PTPRD: variants seen among roughly 807,000 people sequenced by gnomAD.
PTPRD encodes the protein receptor-type tyrosine-protein phosphatase delta.
A neutral mutation model predicts 214.5 loss-of-function variants in PTPRD; 34 were observed. The ratio of observed to expected loss-of-function variants is 0.16; its 90% CI spans 0.12 to 0.21. The LOEUF (loss-of-function observed/expected upper bound fraction) is 0.21. Ranked by LOEUF, PTPRD falls within the 10% of genes least tolerant of loss-of-function variation. The pLI is 1.00. For synonymous variants in PTPRD, 1,128 were observed against 845.7 expected (o/e 1.33, Z -5.79); for missense variants, 2,545 against 2,398.7 (o/e 1.06, Z -1.27).
At chr9:8,864,518 T>C (rs921815495) in intron 11 of PTPRD, among the ~76,000 whole-genome samples, 9 of 152,244 alleles carry the variant, frequency 5.9e-5, no homozygotes, top group African/African-American at 2.2e-4. Flanking sequence ...ACTTTAGCTC[T>C]TACATTTTTA....
chr9:9,676,665 T>C (rs1350553429), intron 7 of PTPRD, among the ~76,000 whole-genome samples: 2 of 152,160 alleles, frequency 1.3e-5, no homozygotes, highest in South Asian at 2.1e-4. Flanking sequence ...CTGGATCAAA[T>C]GGTATTTCTA....
At chr9:8,581,188 T>TA (rs1420499503) in intron 14 of PTPRD, among the ~76,000 whole-genome samples, 1 of 151,484 alleles carries the variant, frequency 6.6e-6, no homozygotes, top group Non-Finnish European at 1.5e-5. Context: ...GCCTTAGGAA[T>TA]ATATTATAAA....
At chr9:10,257,364 T>C (rs914628757) in intron 3 of PTPRD, among the ~76,000 whole-genome samples, 8 of 152,140 alleles carry the variant, frequency 5.3e-5, no homozygotes, top group Non-Finnish European at 1.2e-4. Context: ...GAGGTACTGG[T>C]AGAGAAAGGC....
intron 39 of PTPRD, among the ~76,000 whole-genome samples, chr9:8,375,670 C>A (rs1167883629): frequency 6.6e-6 from 1 of 151,992 alleles, no homozygotes; most frequent in South Asian, 2.1e-4. Context: ...TAGCCATGTG[C>A]CCACTTAATT....
chr9:9,453,108 G>C (rs2092485584), intron 8 of PTPRD, among the ~76,000 whole-genome samples: 1 of 150,626 alleles, frequency 6.6e-6, no homozygotes, highest in East Asian at 2.0e-4. Context: ...AAATGGAATG[G>C]AAATTAATAT....
intron 7 of PTPRD, among the ~76,000 whole-genome samples, chr9:9,621,834 C>A (rs934960861): frequency 6.6e-6 from 1 of 152,144 alleles, no homozygotes; most frequent in Admixed American, 6.5e-5. Context: ...AGTGTGCTGC[C>A]TGTGGTGTTC....
At chr9:10,116,711 A>C (rs1331833577) in intron 3 of PTPRD, among the ~76,000 whole-genome samples, 1 of 152,012 alleles carries the variant, frequency 6.6e-6, no homozygotes, top group African/African-American at 2.4e-5. Flanking sequence ...ATGTCACTGC[A>C]CTCCTGAAAA....
At chr9:10,214,994 G>A (rs967706464) in intron 3 of PTPRD, among the ~76,000 whole-genome samples, 12 of 151,860 alleles carry the variant, frequency 7.9e-5, no homozygotes, top group Admixed American at 3.3e-4. Context: ...GAGATATTTC[G>A]GACAGGTGGA....
chr9:8,544,261 G>A (rs902447334), intron 14 of PTPRD, among the ~76,000 whole-genome samples: 11 of 144,740 alleles, frequency 7.6e-5, no homozygotes, highest in Non-Finnish European at 1.2e-4. Context: ...CCACCTCCCA[G>A]GTTCAAGCAA....
At chr9:9,121,173 C>G (rs769452476) in intron 10 of PTPRD, among the ~76,000 whole-genome samples, 1 of 152,124 alleles carries the variant, frequency 6.6e-6, no homozygotes, top group Non-Finnish European at 1.5e-5. Context: ...TAGTCACCAA[C>G]TATTTATGGA....
At chr9:10,115,421 T>A (rs2154240802) in intron 3 of PTPRD, among the ~76,000 whole-genome samples, 1 of 152,206 alleles carries the variant, frequency 6.6e-6, no homozygotes, top group Admixed American at 6.5e-5. Flanking sequence ...CTTTAGGTAA[T>A]TAGGTGACCA....
chr9:10,172,998 T>C (rs576321042), intron 3 of PTPRD, among the ~76,000 whole-genome samples: 2 of 152,358 alleles, frequency 1.3e-5, no homozygotes, highest in African/African-American at 4.8e-5. Flanking sequence ...TGGAGTCTCC[T>C]TTTTCCTTTG....
intron 9 of PTPRD, among the ~76,000 whole-genome samples, chr9:9,246,183 T>C (rs1285423627): frequency 6.6e-6 from 1 of 152,054 alleles, no homozygotes; most frequent in Non-Finnish European, 1.5e-5. Flanking sequence ...TAGCTCATTG[T>C]TTTTGCAGGT....
chr9:9,547,917 T>C (rs750913488), intron 8 of PTPRD, among the ~76,000 whole-genome samples: 2 of 151,758 alleles, frequency 1.3e-5, no homozygotes, highest in East Asian at 1.9e-4. Flanking sequence ...AAAAGGCTTA[T>C]TATATCAAAG....
chr9:9,484,958 G>A (rs2095567637), intron 8 of PTPRD, among the ~76,000 whole-genome samples: 1 of 152,122 alleles, frequency 6.6e-6, no homozygotes, highest in Non-Finnish European at 1.5e-5. Context: ...ATCAAAGTGG[G>A]TTTCTGGGAT....
chr9:10,391,931 C>A (rs371211396), intron 2 of PTPRD, among the ~76,000 whole-genome samples: 13 of 151,744 alleles, frequency 8.6e-5, no homozygotes, highest in East Asian at 3.9e-4. Flanking sequence ...CAGGTCATCA[C>A]AAGTTTCACT....
In PTPRD at chr9:9,761,960, A is replaced by G. The variant is rs1241711119; in HGVS notation, c.-326+4850T>C. ...TCTGCTTGGGCTGGCTTAACAAAATACCAAAGACTGAATGACTTAAACATA... is the reference window on the plus strand; with the variant it reads ...TCTGCTTGGGCTGGCTTAACAAAATGCCAAAGACTGAATGACTTAAACATA... On this transcript the variant is annotated intron_variant, in intron 6 of 45. Transcript: ENST00000381196. 2.0e-5 allele frequency among the ~76,000 whole-genome samples: 3 copies of G among 152,236 alleles called. No individual in the cohort carries two copies. The East Asian group carries it at 5.8e-4, about 29-fold the overall frequency.
chr9:8,376,546 AAAG>A, intron 38 of PTPRD, 58 bp downstream of exon 38: 1 of 1,606,988 alleles, frequency 6.2e-7, no homozygotes, highest in East Asian at 2.2e-5. Context: ...TCATTTCTCA[AAAG>A]AAGCTTTCTT....
intron 14 of PTPRD, among the ~76,000 whole-genome samples, chr9:8,598,452 C>T (rs1325332473): frequency 2.0e-5 from 3 of 149,908 alleles, no homozygotes; most frequent in African/African-American, 7.6e-5. Context: ...CAGAACAAGA[C>T]TGTCTCAAAA....
Sources: allele counts gnomAD v4.1 joint callset (sites outside exome capture counted in the v4.1 genomes callset), GRCh38; gene constraint gnomAD v4.1.1; transcripts MANE v1.5; gene names NCBI Gene and HGNC (gene_info 2026-07-23, HGNC 2026-07-21).